Variants in VAV2 observed in about 807,000 individuals in gnomAD.
The protein encoded by VAV2 is vav guanine nucleotide exchange factor 2.
VAV2 carries 67 observed loss-of-function variants against 132.5 expected under a neutral mutation model. That is an observed-to-expected ratio of 0.51 (90% CI 0.42 to 0.62). VAV2 has a LOEUF of 0.62. Ranked by LOEUF, VAV2 falls within the 20% of genes least tolerant of loss-of-function variation. The pLI, the probability that VAV2 is intolerant of heterozygous loss-of-function variation, is 0.00. For synonymous variants in VAV2, 492 were observed against 443.5 expected (o/e 1.11, Z -1.37); for missense variants, 938 against 1,153.6 (o/e 0.81, Z 2.71).
rs1836005730 is a variant in VAV2, at chr9:133,826,802, C to T, written c.449+7470G>A. Among the ~76,000 whole-genome samples the T allele has an allele frequency of 1.3e-5, 2 of 152,318 alleles. No homozygotes were observed. The highest frequency in any genetic ancestry group is 4.2e-4 in the South Asian group (2 of 4,814). On this transcript the variant is annotated intron_variant, in intron 4 of 29. Transcript: ENST00000371850. The surrounding 1 kb of genome is among the most constrained non-coding windows in gnomAD (Gnocchi z 4.2). ...CTCGGGGACCTCTGACCTGCCGGCA[C>T]CACGGGAGGGAGGGCAGAGGCAGGC...
At chr9:133,937,507 A>AGT (rs149557419) in intron 2 of VAV2, among the ~76,000 whole-genome samples, 243 of 149,542 alleles carry the variant, frequency 1.6e-3, no homozygotes, top group Non-Finnish European at 2.6e-3. Flanking sequence ...TGTGCGTGTG[A>AGT]GTGTGTGTGC....
intron 2 of VAV2, among the ~76,000 whole-genome samples, chr9:133,898,734 T>C (rs933573316): frequency 6.6e-6 from 1 of 151,744 alleles, no homozygotes; most frequent in African/African-American, 2.4e-5. Context: ...AGGCCTGAGC[T>C]GGTGCTGTGG....
At chr9:133,916,999 G>A (rs1422004701) in intron 2 of VAV2, among the ~76,000 whole-genome samples, 2 of 152,152 alleles carry the variant, frequency 1.3e-5, no homozygotes, top group East Asian at 3.9e-4. Flanking sequence ...ACTCAGCAAG[G>A]ACTAATAAGG....
At position 133,777,389 on chromosome 9, in the gene VAV2, C is replaced by G; in HGVS notation, c.1965G>C (p.Arg655Ser). Reference protein sequence around the residue: ...SSVKPCPVDGRPPISRPPSRE... With the variant: ...SSVKPCPVDGSPPISRPPSRE... ...GAAGCTTCTGTGGGAAAGGACTCAC[C>G]CTTCCATCCACAGGGCAGGGCTTCA... Residue 655 changes from arginine (R) to serine (S), a missense_variant and splice_region_variant, in exon 23 of 30, where the codon AGG becomes AGC. Transcript: ENST00000371850. 6.2e-7 allele frequency: 1 copy of G among 1,613,726 alleles called. No homozygotes were observed. The highest frequency in any genetic ancestry group is 8.5e-7 in the Non-Finnish European group (1 of 1,179,978).
chr9:133,848,573 A>G (rs1224580417), intron 3 of VAV2, among the ~76,000 whole-genome samples: 1 of 152,148 alleles, frequency 6.6e-6, no homozygotes, highest in Non-Finnish European at 1.5e-5. Flanking sequence ...CAGCAAGGGC[A>G]CCAGATGGCC....
In VAV2 at chr9:133,818,182, A is replaced by G. The variant is rs371237901; in HGVS notation, c.450-5966T>C. 3.0e-4 allele frequency among the ~76,000 whole-genome samples: 45 copies of G among 151,948 alleles called. No individual in the cohort carries two copies. In the East Asian group the frequency reaches 4.8e-3, roughly 16 times the overall value. The stretch of plus-strand genomic sequence containing the variant: ...GATCGAGACCATCCTGTCTAACATG[A>G]TGAAAACCCGTCTCTACTAAAAAAA... On this transcript the variant is annotated intron_variant, in intron 4 of 29. Coordinates refer to ENST00000371850, the MANE Select transcript of VAV2 (RefSeq NM_001134398.2).
intron 2 of VAV2, among the ~76,000 whole-genome samples, chr9:133,895,052 G>T (rs1431552556): frequency 6.6e-6 from 1 of 152,098 alleles, no homozygotes; most frequent in African/African-American, 2.4e-5. Context: ...TGTGGGAGAG[G>T]GCGGCAAGAA....
In VAV2 at chr9:133,769,508, A is replaced by T. The variant is rs1275380663; in HGVS notation, c.2348-5T>A. 5.6e-6 allele frequency: 9 copies of T among 1,610,464 alleles called. No homozygotes were observed. In the African/African-American group the frequency reaches 1.2e-4, roughly 22 times the overall value. On this transcript the variant is annotated splice_region_variant and splice_polypyrimidine_tract_variant and intron_variant, in intron 27 of 29. Transcript: ENST00000371850. The surrounding 1 kb of genome is among the most constrained non-coding windows in gnomAD (Gnocchi z 8.1). ...AGTTGTAGGAAGCACAGGAAGCTGC[A>T]AAGAGGCGAGAGAGAACGTGAGGCG...
In VAV2 at chr9:133,794,640, A is replaced by C. The variant is rs1479482374; in HGVS notation, c.1101+1028T>G. On this transcript the variant is annotated intron_variant, in intron 12 of 29. Transcript: ENST00000371850. The surrounding 1 kb of genome is among the most constrained non-coding windows in gnomAD (Gnocchi z 4.6). ...CCAGAGGGCAGGGGCCAGGTGTCAG[A>C]GGGCAGGACTGCAGCCCTGAGGGGG... 7.9e-5 allele frequency among the ~76,000 whole-genome samples: 12 copies of C among 152,226 alleles called. No individual in the cohort carries two copies.
At chr9:133,987,523 C>T (rs949238532) in intron 1 of VAV2, among the ~76,000 whole-genome samples, 1 of 152,220 alleles carries the variant, frequency 6.6e-6, no homozygotes, top group African/African-American at 2.4e-5. Context: ...GCCAGGCTGG[C>T]GTGTCCGGGA....
At chr9:133,854,828 G>T (rs1405277159) in intron 3 of VAV2, among the ~76,000 whole-genome samples, 1 of 152,216 alleles carries the variant, frequency 6.6e-6, no homozygotes, top group Non-Finnish European at 1.5e-5. Context: ...AATTAGGCTG[G>T]CCCAGGGACT....
chr9:133,934,022 G>A (rs1256286358), intron 2 of VAV2, among the ~76,000 whole-genome samples: 4 of 151,412 alleles, frequency 2.6e-5, no homozygotes, highest in East Asian at 2.0e-4. Flanking sequence ...ATGGATGGAC[G>A]GATGGGTGGA....
Position 133,834,371 on chromosome 9 carries a change from C to CA in VAV2, c.381-32dup. The CA allele has an allele frequency of 6.2e-7, 1 of 1,603,500 alleles. No individual in the cohort carries two copies. The stretch of plus-strand genomic sequence containing the variant: ...GAAGAGAAGGCGAGAGGGAGGTGAG[C>CA]AGGTCCCGGCACTGCCGGCCAGTGG... On this transcript the variant is annotated intron_variant, in intron 3 of 29. Coordinates refer to ENST00000371850, the MANE Select transcript of VAV2 (RefSeq NM_001134398.2). This position sits in a 1 kb window ranked among gnomAD's most constrained non-coding sequence, Gnocchi z 5.9.
chr9:133,776,863 G>C (rs184081100), intron 23 of VAV2, among the ~76,000 whole-genome samples: 1 of 152,164 alleles, frequency 6.6e-6, no homozygotes, highest in Non-Finnish European at 1.5e-5. Context: ...CTGTCCTTTC[G>C]GGGTGGAGGT....
intron 1 of VAV2, among the ~76,000 whole-genome samples, chr9:133,950,719 G>A (rs929243589): frequency 1.3e-5 from 2 of 152,202 alleles, no homozygotes; most frequent in East Asian, 3.9e-4. Context: ...CCTGCGCCTC[G>A]GCCCTCCGGG....
rs963909363 is a variant in VAV2, at chr9:133,768,109, G to A, written c.2589+333C>T. Among the ~76,000 whole-genome samples, 1 of 152,102 alleles carries A rather than the reference G, an allele frequency of 6.6e-6. No individual in the cohort carries two copies. Among genetic ancestry groups the A allele is most frequent in the Non-Finnish European group, 1.5e-5 (1 of 68,002 alleles). ...CTCCCTTCCCGCAAACAGAGCTTGG[G>A]GACTTGCAAGTAATTTGGCGAGTGC... On this transcript the variant is annotated intron_variant, in intron 29 of 29. Transcript: ENST00000371850. This position sits in a 1 kb window ranked among gnomAD's most constrained non-coding sequence, Gnocchi z 5.3.
Position 133,802,941 on chromosome 9 carries a change from T to A in VAV2, c.836+3140A>T, listed in dbSNP as rs1176565522. The stretch of plus-strand genomic sequence containing the variant: ...AATGGGGGTTAGACAGAGCGGGAGC[T>A]GAGGCTTCTTGACTTCAGAGGTTCC... On this transcript the variant is annotated intron_variant, in intron 9 of 29. Transcript: ENST00000371850. This position sits in a 1 kb window ranked among gnomAD's most constrained non-coding sequence, Gnocchi z 5.8. 2.0e-5 allele frequency among the ~76,000 whole-genome samples: 3 copies of A among 152,222 alleles called. No individual in the cohort carries two copies. Among genetic ancestry groups the A allele is most frequent in the African/African-American group, 7.2e-5 (3 of 41,468 alleles).
chr9:133,958,220 A>T (rs367969136), intron 1 of VAV2, among the ~76,000 whole-genome samples: 3,053 of 118,520 alleles, frequency 0.026, 136 homozygotes, highest in African/African-American at 0.089. Flanking sequence ...AGGATTAGTA[A>T]AAGAGGAAGG....
intron 7 of VAV2, 115 bp downstream of exon 7, chr9:133,808,925 G>A (rs944473074): frequency 5.4e-5 from 51 of 940,108 alleles, no homozygotes; most frequent in South Asian, 3.8e-4. Context: ...AGTCTCCTTC[G>A]CCTGTCAGAG....
Sources: gnomAD v4.1 joint callset for allele counts (sites outside exome capture counted in the v4.1 genomes callset) on GRCh38, gnomAD v4.1.1 for gene constraint, Gnocchi (gnomAD v3.1) non-coding constraint, MANE v1.5 for transcripts, NCBI Gene and HGNC (gene_info 2026-07-23, HGNC 2026-07-21) for gene names.